The following PTPRK variants were observed in gnomAD, a reference collection of about 807,000 sequenced individuals.
The protein encoded by PTPRK is protein tyrosine phosphatase receptor type K.
Under a neutral mutation model 178.0 loss-of-function variants are expected in PTPRK, and 75 were observed. The ratio of observed to expected loss-of-function variants is 0.42; its 90% CI spans 0.35 to 0.51. The LOEUF is 0.51. Among genes scored for constraint, PTPRK ranks in the 20% least tolerant of loss-of-function variants. PTPRK has a pLI of 0.02. For missense variants in PTPRK, 1,441 were observed against 1,797.8 expected, an observed-to-expected ratio of 0.80 and a Z score of 3.59; for synonymous variants, 637 against 620.6, an observed-to-expected ratio of 1.03 and a Z score of -0.39.
At chr6:128,255,798 C>T (rs1347569431) in intron 3 of PTPRK, among the ~76,000 whole-genome samples, 1 of 152,212 alleles carries the variant, frequency 6.6e-6, no homozygotes, top group African/African-American at 2.4e-5. Flanking sequence ...GCAGGTGATA[C>T]TGATGCAGGC....
At chr6:128,357,954 T>C (rs1834172320) in intron 2 of PTPRK, among the ~76,000 whole-genome samples, 1 of 152,206 alleles carries the variant, frequency 6.6e-6, no homozygotes, top group Non-Finnish European at 1.5e-5. Flanking sequence ...TTGCCATCTC[T>C]ACTCACACAG....
intron 1 of PTPRK, among the ~76,000 whole-genome samples, chr6:128,423,156 A>G (rs1239048486): frequency 6.6e-6 from 1 of 152,254 alleles, no homozygotes; most frequent in Non-Finnish European, 1.5e-5. Flanking sequence ...CTAAAAATAA[A>G]AAAGGAAAAG....
intron 3 of PTPRK, among the ~76,000 whole-genome samples, chr6:128,285,689 C>A (rs1360130412): frequency 6.6e-6 from 1 of 151,812 alleles, no homozygotes; most frequent in African/African-American, 2.4e-5. Flanking sequence ...CCTGCCGTCC[C>A]AGCTGCTTGG....
In PTPRK at chr6:128,089,773, G is replaced by C; in HGVS notation, c.1382C>G (p.Thr461Arg). The C allele has an allele frequency of 6.2e-7, 1 of 1,613,320 alleles. No homozygotes were observed. The highest frequency in any genetic ancestry group is 8.5e-7 in the Non-Finnish European group (1 of 1,179,290). The change falls in exon 8 of 30, where the codon ACA (threonine) becomes AGA (arginine). Residue 461 changes from threonine (T) to arginine (R), a missense_variant. Coordinates refer to ENST00000368226, the MANE Select transcript of PTPRK (RefSeq NM_002844.4). Reference sequence around the variant, plus strand: ...TAGGATCATCTTGAGGCTGACATTTGTATAAGGTGGCAGATGGTTCACAAC... The same window carrying C: ...TAGGATCATCTTGAGGCTGACATTTCTATAAGGTGGCAGATGGTTCACAAC... ...QHVVNHLPPY[T>R]NVSLKMILTN...
intron 3 of PTPRK, among the ~76,000 whole-genome samples, chr6:128,294,193 AT>A (rs1823874852): frequency 6.6e-6 from 1 of 152,152 alleles, no homozygotes; most frequent in African/African-American, 2.4e-5. Flanking sequence ...ATAAACAAAT[AT>A]TCTTAAAAAG....
At chr6:128,249,013 T>G (rs1004619108) in intron 3 of PTPRK, among the ~76,000 whole-genome samples, 1 of 152,106 alleles carries the variant, frequency 6.6e-6, no homozygotes, top group Admixed American at 6.6e-5. Context: ...CCTTTTTTTA[T>G]AGTAAGAGGA....
At chr6:128,197,842 G>A (rs896018077) in intron 6 of PTPRK, among the ~76,000 whole-genome samples, 1 of 152,064 alleles carries the variant, frequency 6.6e-6, no homozygotes, top group African/African-American at 2.4e-5. Flanking sequence ...GATAGCACTC[G>A]CATTGAGAGG....
intron 3 of PTPRK, among the ~76,000 whole-genome samples, chr6:128,245,809 A>G (rs1337691241): frequency 5.9e-5 from 9 of 152,214 alleles, no homozygotes; most frequent in African/African-American, 1.9e-4. Flanking sequence ...TAGTATTAAA[A>G]ACTTTAAATA....
chr6:128,225,410 A>G (rs1388602641), intron 5 of PTPRK, among the ~76,000 whole-genome samples: 3 of 152,186 alleles, frequency 2.0e-5, no homozygotes, highest in Admixed American at 1.3e-4. Context: ...CACAACTACG[A>G]CCAAGTGAGG....
At chr6:128,225,822 A>G (rs989161636) in intron 5 of PTPRK, among the ~76,000 whole-genome samples, 3 of 152,146 alleles carry the variant, frequency 2.0e-5, no homozygotes, top group Non-Finnish European at 4.4e-5. Flanking sequence ...AATTCAAACT[A>G]TTGACTATCT....
At chr6:128,230,016 G>T (rs778393535) in intron 5 of PTPRK, among the ~76,000 whole-genome samples, 7 of 152,038 alleles carry the variant, frequency 4.6e-5, no homozygotes, top group Non-Finnish European at 1.0e-4. Flanking sequence ...CTACCCCCAG[G>T]AATAAATATA....
intron 2 of PTPRK, among the ~76,000 whole-genome samples, chr6:128,391,549 T>C (rs1839575039): frequency 6.6e-6 from 1 of 152,224 alleles, no homozygotes; most frequent in African/African-American, 2.4e-5. Context: ...GAAGATACAC[T>C]GTCAAATAAT....
Position 128,423,290 on chromosome 6 carries a change from C to T in PTPRK, c.101-25602G>A, listed in dbSNP as rs919583213. 2.0e-5 allele frequency among the ~76,000 whole-genome samples: 3 copies of T among 152,102 alleles called. No homozygotes were observed. The South Asian group carries it at 6.2e-4, about 32-fold the overall frequency. On this transcript the variant is annotated intron_variant, in intron 1 of 29. Coordinates refer to ENST00000368226, the MANE Select transcript of PTPRK (RefSeq NM_002844.4). ...TAGTTTAATGACAGTAACATTTGTG[C>T]GGGTATACAAACAACATATATGTCA...
At chr6:128,454,662 T>A (rs1179149702) in intron 1 of PTPRK, among the ~76,000 whole-genome samples, 1 of 152,152 alleles carries the variant, frequency 6.6e-6, no homozygotes, top group Admixed American at 6.5e-5. Context: ...TTTAAAGAGA[T>A]ATACCTAATA....
At chr6:128,411,816 A>G (rs549628256) in intron 1 of PTPRK, among the ~76,000 whole-genome samples, 11 of 152,292 alleles carry the variant, frequency 7.2e-5, no homozygotes, top group Non-Finnish European at 1.6e-4. Context: ...CAAAAACCAG[A>G]AGTAGTAAGT....
chr6:128,161,386 A>C (rs1484859200), intron 7 of PTPRK, among the ~76,000 whole-genome samples: 1 of 151,470 alleles, frequency 6.6e-6, no homozygotes, highest in Non-Finnish European at 1.5e-5. Context: ...AAATTACCAG[A>C]CTCCAATTAC....
chr6:128,294,662 T>C (rs925597293), intron 3 of PTPRK, among the ~76,000 whole-genome samples: 62 of 152,086 alleles, frequency 4.1e-4, no homozygotes, highest in Non-Finnish European at 5.1e-4. Context: ...TATCTGATAG[T>C]AATTAAAAAT....
intron 1 of PTPRK, among the ~76,000 whole-genome samples, chr6:128,426,731 G>A (rs1168015862): frequency 6.6e-6 from 1 of 152,190 alleles, no homozygotes; most frequent in African/African-American, 2.4e-5. Flanking sequence ...TATAACCCAT[G>A]TTTTGGCGGG....
intron 1 of PTPRK, among the ~76,000 whole-genome samples, chr6:128,450,576 G>A (rs1337885792): frequency 2.0e-5 from 3 of 152,050 alleles, no homozygotes; most frequent in Non-Finnish European, 2.9e-5. Context: ...CCATTTCCAC[G>A]TCATATTAAG....
Sources: gnomAD v4.1 joint callset for allele counts (sites outside exome capture counted in the v4.1 genomes callset) on GRCh38, gnomAD v4.1.1 for gene constraint, MANE v1.5 for transcripts, NCBI Gene and HGNC (gene_info 2026-07-23, HGNC 2026-07-21) for gene names.